The following TMEM132D variants were observed in gnomAD, a reference collection of about 807,000 sequenced individuals.
TMEM132D encodes the protein transmembrane protein 132D.
A neutral mutation model predicts 62.3 loss-of-function variants in TMEM132D; 21 were observed. The ratio of observed to expected loss-of-function variants is 0.34; its 90% CI spans 0.24 to 0.49. The LOEUF (loss-of-function observed/expected upper bound fraction) is 0.49, where lower values mean the gene tolerates loss of function less well. TMEM132D is among the 20% of genes least tolerant of loss of function. TMEM132D has a pLI of 0.99. For synonymous variants in TMEM132D, 621 were observed against 575.6 expected (o/e 1.08, Z -1.13); for missense variants, 1,346 against 1,402.8 (o/e 0.96, Z 0.65).
At chr12:129,674,458 C>T (rs1399060626) in intron 2 of TMEM132D, among the ~76,000 whole-genome samples, 1 of 152,144 alleles carries the variant, frequency 6.6e-6, no homozygotes, top group Non-Finnish European at 1.5e-5. Flanking sequence ...TCATGTCCAT[C>T]ACAGCAAAAT....
intron 4 of TMEM132D, among the ~76,000 whole-genome samples, chr12:129,242,041 G>C (rs889570325): frequency 6.6e-6 from 1 of 152,126 alleles, no homozygotes; most frequent in Non-Finnish European, 1.5e-5. Context: ...CTGGGGATTC[G>C]GCCAAGGGGC....
At chr12:129,556,466 C>CT (rs145670865) in intron 2 of TMEM132D, among the ~76,000 whole-genome samples, 2,534 of 148,146 alleles carry the variant, frequency 0.017, 33 homozygotes, top group Non-Finnish European at 0.023. Flanking sequence ...TGGGGTGGAG[C>CT]TTTTTTTTTT....
At chr12:129,165,573 C>T (rs1877519767) in intron 5 of TMEM132D, among the ~76,000 whole-genome samples, 1 of 152,156 alleles carries the variant, frequency 6.6e-6, no homozygotes, top group Admixed American at 6.5e-5. Flanking sequence ...TGTCTCTACC[C>T]TGTTTCTCTA....
intron 5 of TMEM132D, among the ~76,000 whole-genome samples, chr12:129,128,257 G>C (rs1253161962): frequency 2.0e-5 from 3 of 152,074 alleles, no homozygotes; most frequent in African/African-American, 7.2e-5. Context: ...TTTAGATTCA[G>C]GGCTGTATTA....
At chr12:129,609,067 A>T (rs779379120) in intron 2 of TMEM132D, among the ~76,000 whole-genome samples, 6 of 151,418 alleles carry the variant, frequency 4.0e-5, no homozygotes, top group Non-Finnish European at 8.8e-5. Context: ...CAGCCTCCTG[A>T]GTAGCTGCAA....
At chr12:129,600,668 G>C (rs1384344509) in intron 2 of TMEM132D, among the ~76,000 whole-genome samples, 1 of 152,178 alleles carries the variant, frequency 6.6e-6, no homozygotes, top group Non-Finnish European at 1.5e-5. Flanking sequence ...AAATCTTCTT[G>C]TGTGTCTCCA....
chr12:129,635,317 T>C (rs1879447930), intron 2 of TMEM132D, among the ~76,000 whole-genome samples: 1 of 152,210 alleles, frequency 6.6e-6, no homozygotes, highest in Admixed American at 6.5e-5. Context: ...TTGATCTCTG[T>C]TGGGATCTCT....
chr12:129,447,425 C>T (rs1329389784), intron 3 of TMEM132D, among the ~76,000 whole-genome samples: 2 of 152,090 alleles, frequency 1.3e-5, no homozygotes, highest in Non-Finnish European at 2.9e-5. Context: ...AGAAGGGAGC[C>T]CTAAACACAA....
Position 129,903,276 on chromosome 12 carries a change from C to T in TMEM132D, c.64G>A (p.Ala22Thr). 1.7e-5 allele frequency: 26 copies of T among 1,553,652 alleles called. No homozygotes were observed. Among genetic ancestry groups the T allele is most frequent in the Non-Finnish European group, 2.2e-5 (25 of 1,148,184 alleles). The change falls in exon 1 of 9, where the codon GCC becomes ACC. Residue 22 changes from alanine (A) to threonine (T), a missense_variant. By Grantham distance (58) the Ala-to-Thr change is moderately conservative. Transcript: ENST00000422113. This position sits in a 1 kb window ranked among gnomAD's most constrained non-coding sequence, Gnocchi z 6.2. ...HWSPVLISLA[A>T]LFSKVTEGRG... ...GCGTCCTCACCTTTGGAAAACAGGG[C>T]GGCCAGGCTGATGAGTACCGGCGAC...
chr12:129,209,142 G>A (rs10847798), intron 5 of TMEM132D, among the ~76,000 whole-genome samples: 76,357 of 151,836 alleles, frequency 0.5, 21,128 homozygotes, highest in Middle Eastern at 0.64. Flanking sequence ...GAGTGTGGCC[G>A]CATACCCATC....
Position 129,264,201 on chromosome 12 carries a change from C to A in TMEM132D, c.1300-54538G>T, listed in dbSNP as rs1305943683. On this transcript the variant is annotated intron_variant, in intron 4 of 8. Coordinates refer to ENST00000422113, the MANE Select transcript of TMEM132D (RefSeq NM_133448.3). ...GCCAGGAGTTCGAGACCAGCCTGGG[C>A]AACATGGCAAAACCCAGTCTTTATA... Among the ~76,000 whole-genome samples, 4 of 152,142 alleles carry A rather than the reference C, an allele frequency of 2.6e-5. No homozygotes were observed. The East Asian group carries it at 7.7e-4, about 29-fold the overall frequency.
At chr12:129,510,660 C>T (rs546880519) in intron 3 of TMEM132D, among the ~76,000 whole-genome samples, 17 of 152,086 alleles carry the variant, frequency 1.1e-4, no homozygotes, top group Non-Finnish European at 2.2e-4. Flanking sequence ...AGATAGGGGT[C>T]TAGTTTCATT....
chr12:129,849,051 T>C (rs1314192318), intron 1 of TMEM132D, among the ~76,000 whole-genome samples: 2 of 145,000 alleles, frequency 1.4e-5, no homozygotes. Context: ...AGTAGGGGCT[T>C]AGTAATTAAG....
chr12:129,700,158 G>T lies in TMEM132D; in HGVS notation c.620C>A (p.Thr207Lys), dbSNP rs750957356. The T allele has an allele frequency of 3.1e-6, 5 of 1,613,076 alleles. No individual in the cohort carries two copies. In the South Asian group the frequency reaches 5.5e-5, roughly 18 times the overall value. Residue 207 changes from threonine to lysine, a missense_variant, in exon 2 of 9, where the codon ACG (threonine) becomes AAG (lysine). Transcript: ENST00000422113. Reference sequence around the variant, plus strand: ...GGACTTCCTCCTCCCGGCAACCACCGTGGGGGGGCTGAACCAGCTGGACAG... The same window carrying T: ...GGACTTCCTCCTCCCGGCAACCACCTTGGGGGGGCTGAACCAGCTGGACAG... ...ELLSSWFSPP[T>K]VVAGRRKSVD... is the part of the protein sequence containing the mutation.
intron 2 of TMEM132D, chr12:129,681,312 G>A (rs967074707): frequency 1.3e-5 from 2 of 152,160 alleles, no homozygotes; most frequent in Non-Finnish European, 1.5e-5. Context: ...TCATAATTTT[G>A]TGTAGCAGGT....
chr12:129,178,753 C>T (rs981825928), intron 5 of TMEM132D, among the ~76,000 whole-genome samples: 18 of 152,242 alleles, frequency 1.2e-4, no homozygotes, highest in Non-Finnish European at 2.2e-4. Context: ...GCCCCAAATT[C>T]CTCCATGCCT....
chr12:129,603,897 T>C (rs1420663604), intron 2 of TMEM132D, among the ~76,000 whole-genome samples: 1 of 152,162 alleles, frequency 6.6e-6, no homozygotes, highest in East Asian at 1.9e-4. Context: ...CTATTTACAA[T>C]AGCAAAGACT....
At chr12:129,766,854 G>T (rs892114485) in intron 1 of TMEM132D, among the ~76,000 whole-genome samples, 1 of 152,032 alleles carries the variant, frequency 6.6e-6, no homozygotes, top group Non-Finnish European at 1.5e-5. Flanking sequence ...AGGAAGCCCA[G>T]CTCCATAAGA....
chr12:129,719,928 C>T (rs926505679), intron 1 of TMEM132D, among the ~76,000 whole-genome samples: 2 of 151,938 alleles, frequency 1.3e-5, no homozygotes, highest in Admixed American at 6.6e-5. Flanking sequence ...CTGGAATTTG[C>T]CATTCAAATT....
Sources: gnomAD v4.1 joint callset for allele counts (sites outside exome capture counted in the v4.1 genomes callset) on GRCh38, gnomAD v4.1.1 for gene constraint, Gnocchi (gnomAD v3.1) non-coding constraint, MANE v1.5 for transcripts, NCBI Gene and HGNC (gene_info 2026-07-23, HGNC 2026-07-21) for gene names.